KDM4C: variants seen among roughly 807,000 people sequenced by gnomAD.
The protein encoded by KDM4C is lysine demethylase 4C, also known as lysine-specific demethylase 4C.
In KDM4C, 81 loss-of-function variants were observed where a neutral mutation model predicts 129.3. The ratio of observed to expected loss-of-function variants is 0.63; its 90% CI spans 0.52 to 0.75. The LOEUF (loss-of-function observed/expected upper bound fraction) is 0.75, where lower values mean the gene tolerates loss of function less well. Ranked by LOEUF, KDM4C falls within the 30% of genes least tolerant of loss-of-function variation. The pLI is 0.00. For synonymous variants in KDM4C, 573 were observed against 456.1 expected (o/e 1.26, Z -3.26); for missense variants, 1,457 against 1,304.0 (o/e 1.12, Z -1.81).
chr9:6,858,230 T>G (rs1193516474), intron 5 of KDM4C, among the ~76,000 whole-genome samples: 1 of 150,678 alleles, frequency 6.6e-6, no homozygotes, highest in Non-Finnish European at 1.5e-5. Flanking sequence ...TTTTGCTTAT[T>G]TTGTTATTAG....
Position 6,810,701 on chromosome 9 carries a change from G to A in KDM4C, c.321-3930G>A, listed in dbSNP as rs369747874. On this transcript the variant is annotated intron_variant, in intron 3 of 21. Coordinates refer to ENST00000381309, the MANE Select transcript of KDM4C (RefSeq NM_015061.6). The stretch of plus-strand genomic sequence containing the variant: ...AGCCTGGTCAACAAAGTGAGACCCT[G>A]TCTCTACAAAAAATAAAAAATTAGC... 3.3e-5 allele frequency among the ~76,000 whole-genome samples: 5 copies of A among 151,930 alleles called. No homozygotes were observed. The East Asian group carries it at 7.7e-4, about 24-fold the overall frequency.
At chr9:7,044,349 C>T (rs1829062888) in intron 15 of KDM4C, among the ~76,000 whole-genome samples, 1 of 151,888 alleles carries the variant, frequency 6.6e-6, no homozygotes, top group Non-Finnish European at 1.5e-5. Context: ...AAGACCAAGA[C>T]CTGATGATTC....
chr9:6,848,414 C>G (rs1838234381), intron 4 of KDM4C, among the ~76,000 whole-genome samples: 2 of 152,134 alleles, frequency 1.3e-5, no homozygotes, highest in Non-Finnish European at 2.9e-5. Context: ...CGCTTGTAAT[C>G]TCAGCACTTT....
chr9:6,915,823 C>T (rs1339490689), intron 8 of KDM4C, among the ~76,000 whole-genome samples: 1 of 152,106 alleles, frequency 6.6e-6, no homozygotes, highest in Admixed American at 6.6e-5. Flanking sequence ...ATAGTGATGA[C>T]GTTATCAAGT....
intron 8 of KDM4C, among the ~76,000 whole-genome samples, chr9:6,904,787 T>G (rs1264191977): frequency 6.6e-6 from 1 of 152,142 alleles, no homozygotes; most frequent in Non-Finnish European, 1.5e-5. Context: ...TCTGGCATCA[T>G]AAAGGAGTAT....
At chr9:7,055,561 G>A (rs1830758791) in intron 17 of KDM4C, among the ~76,000 whole-genome samples, 1 of 152,140 alleles carries the variant, frequency 6.6e-6, no homozygotes, top group Admixed American at 6.5e-5. Context: ...GTACCTGAAG[G>A]CAAATAATAG....
intron 1 of KDM4C, among the ~76,000 whole-genome samples, chr9:6,751,016 G>C (rs1190086044): frequency 1.3e-5 from 2 of 152,164 alleles, no homozygotes; most frequent in Admixed American, 6.5e-5. Flanking sequence ...TGGTAAGCTA[G>C]AAGAACTTCC....
intron 14 of KDM4C, among the ~76,000 whole-genome samples, chr9:7,014,640 C>G (rs537887574): frequency 3.4e-4 from 52 of 152,228 alleles, no homozygotes; most frequent in African/African-American, 1.2e-3. Context: ...TATTTTAAGG[C>G]ATTTTAATAT....
At chr9:7,094,005 G>A (rs1302128358) in intron 17 of KDM4C, among the ~76,000 whole-genome samples, 1 of 152,214 alleles carries the variant, frequency 6.6e-6, no homozygotes, top group East Asian at 1.9e-4. Context: ...CTTTTACTGT[G>A]TATCAGGTAC....
chr9:6,979,988 G>T (rs552150663), intron 8 of KDM4C, among the ~76,000 whole-genome samples: 2 of 152,286 alleles, frequency 1.3e-5, no homozygotes, highest in Non-Finnish European at 1.5e-5. Context: ...GGGAGTTTGG[G>T]TTTGGATATA....
chr9:6,967,810 T>C (rs1362008717), intron 8 of KDM4C, among the ~76,000 whole-genome samples: 1 of 152,214 alleles, frequency 6.6e-6, no homozygotes, highest in East Asian at 1.9e-4. Flanking sequence ...GGATTCTCAT[T>C]ATATTGTGAG....
At chr9:6,999,809 G>A (rs1820403532) in intron 12 of KDM4C, among the ~76,000 whole-genome samples, 1 of 152,090 alleles carries the variant, frequency 6.6e-6, no homozygotes, top group Non-Finnish European at 1.5e-5. Flanking sequence ...TGCGTAAAAA[G>A]TTCTTTTCCC....
chr9:7,104,799 TAAC>T (rs2133163866), intron 18 of KDM4C, among the ~76,000 whole-genome samples: 1 of 152,312 alleles, frequency 6.6e-6, no homozygotes, highest in East Asian at 1.9e-4. Context: ...ATGTCCCTAA[TAAC>T]CTCTTGTGAG....
chr9:7,107,217 A>G (rs1049599539), intron 18 of KDM4C, among the ~76,000 whole-genome samples: 1 of 152,240 alleles, frequency 6.6e-6, no homozygotes, highest in African/African-American at 2.4e-5. Flanking sequence ...CTGTATTTCC[A>G]AAGGTTCCAC....
chr9:7,043,804 A>G (rs1828973961), intron 15 of KDM4C, among the ~76,000 whole-genome samples: 1 of 151,976 alleles, frequency 6.6e-6, no homozygotes, highest in African/African-American at 2.4e-5. Context: ...TCTTAAGTAA[A>G]TCATGGCAAA....
chr9:6,865,062 G>T (rs1362897615), intron 5 of KDM4C, among the ~76,000 whole-genome samples: 1 of 145,446 alleles, frequency 6.9e-6, no homozygotes, highest in Non-Finnish European at 1.5e-5. Flanking sequence ...AAGCTGGAGT[G>T]CAGTGACGCG....
At chr9:6,821,654 T>C (rs1833047735) in intron 4 of KDM4C, among the ~76,000 whole-genome samples, 1 of 147,414 alleles carries the variant, frequency 6.8e-6, no homozygotes, top group South Asian at 2.1e-4. Context: ...TCTTTCATTC[T>C]TTTTTTTTTT....
chr9:6,753,943 C>T (rs1449064087), upstream of KDM4C, among the ~76,000 whole-genome samples: 9 of 137,318 alleles, frequency 6.6e-5, no homozygotes, highest in Admixed American at 3.2e-4. Context: ...GGCACGACCT[C>T]GACTCACTGC....
intron 15 of KDM4C, among the ~76,000 whole-genome samples, chr9:7,038,277 A>G (rs1178301230): frequency 1.3e-5 from 2 of 152,192 alleles, no homozygotes; most frequent in East Asian, 3.9e-4. Flanking sequence ...AAAGTCTCCC[A>G]TTTCCAACAC....
Sources: gnomAD v4.1 joint callset for allele counts (sites outside exome capture counted in the v4.1 genomes callset) on GRCh38, gnomAD v4.1.1 for gene constraint, MANE v1.5 for transcripts, NCBI Gene and HGNC (gene_info 2026-07-23, HGNC 2026-07-21) for gene names.